Variants in SDCCAG8 observed in about 807,000 individuals in gnomAD.
The protein encoded by SDCCAG8 is SHH signaling and ciliogenesis regulator SDCCAG8, also known as serologically defined colon cancer antigen 8.
Under a neutral mutation model 101.8 loss-of-function variants are expected in SDCCAG8, and 74 were observed. The ratio of observed to expected loss-of-function variants is 0.73; its 90% CI spans 0.60 to 0.88. SDCCAG8 has a LOEUF of 0.88. Among genes scored for constraint, SDCCAG8 ranks in the 40% least tolerant of loss-of-function variants. The pLI, the probability that SDCCAG8 is intolerant of heterozygous loss-of-function variation, is 0.00. For synonymous variants in SDCCAG8, 281 were observed against 292.9 expected, an observed-to-expected ratio of 0.96 and a Z score of 0.41; for missense variants, 787 against 822.6, an observed-to-expected ratio of 0.96 and a Z score of 0.53.
intron 16 of SDCCAG8, among the ~76,000 whole-genome samples, chr1:243,469,665 C>G (rs1179896881): frequency 1.3e-5 from 2 of 152,118 alleles, no homozygotes; most frequent in Non-Finnish European, 2.9e-5. Context: ...CACCAGCTCA[C>G]AGTGATCTGC....
intron 16 of SDCCAG8, among the ~76,000 whole-genome samples, chr1:243,469,480 CT>C (rs1323453565): frequency 6.6e-6 from 1 of 152,152 alleles, no homozygotes; most frequent in Non-Finnish European, 1.5e-5. Flanking sequence ...GAAGGGCATA[CT>C]TTTTTGAGTG....
intron 9 of SDCCAG8, among the ~76,000 whole-genome samples, chr1:243,326,245 T>C (rs1474084823): frequency 1.3e-5 from 2 of 152,216 alleles, no homozygotes; most frequent in Non-Finnish European, 2.9e-5. Context: ...TTATTATGTA[T>C]ACATAATAAT....
intron 12 of SDCCAG8, among the ~76,000 whole-genome samples, chr1:243,351,747 A>G (rs926220717): frequency 1.3e-5 from 2 of 152,252 alleles, no homozygotes; most frequent in Non-Finnish European, 2.9e-5. Flanking sequence ...GATTATACAA[A>G]TAATTTAAAA....
intron 16 of SDCCAG8, among the ~76,000 whole-genome samples, chr1:243,451,624 A>G (rs953448205): frequency 6.6e-6 from 1 of 152,112 alleles, no homozygotes; most frequent in African/African-American, 2.4e-5. Context: ...ACTTACGTAT[A>G]TATACTAAAG....
At chr1:243,468,552 T>C (rs1660600642) in intron 16 of SDCCAG8, among the ~76,000 whole-genome samples, 1 of 152,202 alleles carries the variant, frequency 6.6e-6, no homozygotes, top group African/African-American at 2.4e-5. Context: ...CCAGGTGCAA[T>C]GGCTCATACC....
intron 9 of SDCCAG8, among the ~76,000 whole-genome samples, chr1:243,327,845 A>G (rs1045437295): frequency 2.0e-5 from 3 of 152,216 alleles, no homozygotes; most frequent in African/African-American, 7.2e-5. Flanking sequence ...CTGTGACCGG[A>G]CATATACGTT....
chr1:243,292,363 G>GT (rs2070359041), intron 5 of SDCCAG8, among the ~76,000 whole-genome samples: 1 of 152,012 alleles, frequency 6.6e-6, no homozygotes, highest in Non-Finnish European at 1.5e-5. Flanking sequence ...AGATCCTAAG[G>GT]GTCTTAGAAG....
At chr1:243,258,565 CGGCT>C (rs2066943052) in intron 1 of SDCCAG8, among the ~76,000 whole-genome samples, 12 of 152,050 alleles carry the variant, frequency 7.9e-5, no homozygotes, top group African/African-American at 1.2e-4. Context: ...CCACCATGCC[CGGCT>C]AATTTTTGTA....
chr1:243,336,671 C>T (rs1329122104), intron 10 of SDCCAG8, among the ~76,000 whole-genome samples: 1 of 152,172 alleles, frequency 6.6e-6, no homozygotes, highest in Non-Finnish European at 1.5e-5. Context: ...TCACCTCCCA[C>T]CAGGCCCCCC....
chr1:243,341,288 T>C, intron 11 of SDCCAG8, 115 bp downstream of exon 11: 1 of 1,180,654 alleles, frequency 8.5e-7, no homozygotes, highest in Non-Finnish European at 1.2e-6. Flanking sequence ...AGTAGAAAAG[T>C]TTTGTGATTT....
intron 7 of SDCCAG8, chr1:243,306,678 T>C (rs778568791): frequency 7.2e-5 from 11 of 152,146 alleles, no homozygotes; most frequent in Non-Finnish European, 1.6e-4. Flanking sequence ...AAGTTCTTTT[T>C]ATAAAGCCTT....
intron 10 of SDCCAG8, among the ~76,000 whole-genome samples, chr1:243,339,819 C>A (rs1203538834): frequency 1.3e-5 from 2 of 152,068 alleles, no homozygotes; most frequent in African/African-American, 4.8e-5. Context: ...GAATTCACAC[C>A]CATGTCAGCA....
At chr1:243,488,839 T>C (rs1665667967) in intron 16 of SDCCAG8, among the ~76,000 whole-genome samples, 175 bp from the exon 17 acceptor site, 1 of 152,322 alleles carries the variant, frequency 6.6e-6, no homozygotes, top group East Asian at 1.9e-4. Context: ...GAATGTTACC[T>C]TCACACAGTG....
At chr1:243,435,349 G>T (rs543770684) in intron 16 of SDCCAG8, among the ~76,000 whole-genome samples, 44 of 152,224 alleles carry the variant, frequency 2.9e-4, no homozygotes, top group African/African-American at 1.0e-3. Flanking sequence ...TACCTTGTAG[G>T]TTGTGAAAAC....
At chr1:243,388,094 T>A (rs1334338192) in intron 13 of SDCCAG8, among the ~76,000 whole-genome samples, 2 of 152,152 alleles carry the variant, frequency 1.3e-5, no homozygotes, top group Admixed American at 1.3e-4. Context: ...TTGGGTGAAC[T>A]GAAATCCAAA....
chr1:243,310,565 ATATCT>A (rs970192591), intron 8 of SDCCAG8, among the ~76,000 whole-genome samples: 1 of 152,206 alleles, frequency 6.6e-6, no homozygotes, highest in African/African-American at 2.4e-5. Flanking sequence ...AATATAAAAA[ATATCT>A]TATAATTGTG....
rs1421741261 is a variant in SDCCAG8, at chr1:243,422,754, G to T, written c.1854-3673G>T. Among the ~76,000 whole-genome samples the T allele has an allele frequency of 2.6e-5, 4 of 152,110 alleles. No individual in the cohort carries two copies. In the South Asian group the frequency reaches 8.3e-4, roughly 32 times the overall value. ...AGAACCTAAAAGAATAAAAAATTAA[G>T]ATATTGTATTTCCCTTTGAAAGCAA... On this transcript the variant is annotated intron_variant, in intron 15 of 17. Transcript: ENST00000366541.
chr1:243,345,803 T>C (rs2075668331), intron 12 of SDCCAG8, among the ~76,000 whole-genome samples: 1 of 152,214 alleles, frequency 6.6e-6, no homozygotes, highest in South Asian at 2.1e-4. Flanking sequence ...TTAGAAGTAT[T>C]TGCAGTATTA....
chr1:243,356,859 A>G (rs757864060), intron 12 of SDCCAG8, among the ~76,000 whole-genome samples: 38 of 152,090 alleles, frequency 2.5e-4, no homozygotes, highest in Non-Finnish European at 4.0e-4. Context: ...TTACCCAGGT[A>G]TGGTGTCATG....
Sources: allele counts gnomAD v4.1 joint callset (sites outside exome capture counted in the v4.1 genomes callset), GRCh38; gene constraint gnomAD v4.1.1; transcripts MANE v1.5; gene names NCBI Gene and HGNC (gene_info 2026-07-23, HGNC 2026-07-21).